The following SLC39A11 variants were observed in gnomAD, a reference collection of about 807,000 sequenced individuals.
SLC39A11 encodes solute carrier family 39 member 11.
A neutral mutation model predicts 36.1 loss-of-function variants in SLC39A11; 33 were observed. That is an observed-to-expected ratio of 0.91 (90% confidence interval 0.69 to 1.22). The LOEUF is 1.22. SLC39A11 is among the 50% of genes most tolerant of loss of function. The pLI, the probability that SLC39A11 is intolerant of heterozygous loss-of-function variation, is 0.00. For missense variants in SLC39A11, 432 were observed against 430.3 expected (o/e 1.00, Z -0.03); for synonymous variants, 166 against 170.3 (o/e 0.97, Z 0.20).
intron 4 of SLC39A11, among the ~76,000 whole-genome samples, chr17:73,017,573 C>T (rs1441837683): frequency 1.3e-5 from 2 of 151,926 alleles, no homozygotes; most frequent in African/African-American, 2.4e-5. Context: ...TTTAGCTGGG[C>T]GTGGTGGCAC....
chr17:72,920,906 T>C (rs1267797376), intron 5 of SLC39A11, among the ~76,000 whole-genome samples: 1 of 152,072 alleles, frequency 6.6e-6, no homozygotes, highest in Non-Finnish European at 1.5e-5. Flanking sequence ...CTTACCCCCT[T>C]ATCTGCTGTT....
chr17:72,915,229 C>A (rs1174606943), intron 5 of SLC39A11, among the ~76,000 whole-genome samples: 1 of 152,118 alleles, frequency 6.6e-6, no homozygotes, highest in Non-Finnish European at 1.5e-5. Context: ...GCTAGCCAAC[C>A]ACCTCCTTAT....
intron 4 of SLC39A11, among the ~76,000 whole-genome samples, chr17:72,999,662 T>C (rs982254545): frequency 2.6e-5 from 4 of 152,228 alleles, no homozygotes; most frequent in African/African-American, 7.2e-5. Context: ...AACAGGTCCA[T>C]TTCCTGCTGT....
At chr17:73,065,308 G>A (rs535511802) in intron 3 of SLC39A11, among the ~76,000 whole-genome samples, 2 of 152,164 alleles carry the variant, frequency 1.3e-5, no homozygotes, top group East Asian at 1.9e-4. Context: ...GGGAGGCTGA[G>A]GCAGGAGAAT....
At chr17:72,887,310 A>G (rs2081483318) in intron 5 of SLC39A11, among the ~76,000 whole-genome samples, 1 of 152,242 alleles carries the variant, frequency 6.6e-6, no homozygotes, top group Admixed American at 6.5e-5. Flanking sequence ...AGTCTGTATC[A>G]GAAAGGGGCT....
intron 5 of SLC39A11, among the ~76,000 whole-genome samples, chr17:72,905,994 C>T (rs1316967442): frequency 6.6e-6 from 1 of 152,188 alleles, no homozygotes; most frequent in African/African-American, 2.4e-5. Flanking sequence ...ACCTCCTGAT[C>T]CGCCTGCCTT....
chr17:72,918,590 A>T (rs1453697579), intron 5 of SLC39A11, among the ~76,000 whole-genome samples: 1 of 152,206 alleles, frequency 6.6e-6, no homozygotes, highest in Non-Finnish European at 1.5e-5. Flanking sequence ...CATCAGAAGA[A>T]GGGTAAAAGG....
intron 7 of SLC39A11, among the ~76,000 whole-genome samples, chr17:72,665,393 T>TTTTTG (rs1567921451): frequency 1.7e-5 from 2 of 118,304 alleles, no homozygotes; most frequent in African/African-American, 3.0e-5. Flanking sequence ...TGAGGTGTTT[T>TTTTTG]TTTTTTTTTT....
Position 72,696,619 on chromosome 17 carries a change from C to T in SLC39A11, c.671+40031G>A, listed in dbSNP as rs563195683. Among the ~76,000 whole-genome samples the T allele has an allele frequency of 1.8e-4, 28 of 152,244 alleles. No homozygotes were observed. The South Asian group carries it at 5.8e-3, about 32-fold the overall frequency. On this transcript the variant is annotated intron_variant, in intron 7 of 9. Transcript: ENST00000255559. Reference sequence around the variant, plus strand: ...CGCTCCTCAGAGAAGCATTCAGGGCCCCCTATCTCTCTGATTTCCATATAA... The same window carrying T: ...CGCTCCTCAGAGAAGCATTCAGGGCTCCCTATCTCTCTGATTTCCATATAA...
intron 7 of SLC39A11, among the ~76,000 whole-genome samples, chr17:72,724,801 C>T (rs1407113724): frequency 2.4e-5 from 3 of 123,718 alleles, no homozygotes; most frequent in Non-Finnish European, 5.8e-5. Context: ...AGCTCAACTG[C>T]TAAAAAAAAA....
intron 4 of SLC39A11, among the ~76,000 whole-genome samples, chr17:72,969,018 G>A (rs1256524715): frequency 7.2e-5 from 11 of 151,912 alleles, no homozygotes; most frequent in African/African-American, 2.7e-4. Flanking sequence ...GCCATCAAAG[G>A]ACAGGCCACG....
intron 5 of SLC39A11, among the ~76,000 whole-genome samples, chr17:72,874,472 T>C (rs2080794273): frequency 6.6e-6 from 1 of 152,106 alleles, no homozygotes; most frequent in African/African-American, 2.4e-5. Context: ...TGCAAGGCTG[T>C]CGCAGGGATG....
intron 6 of SLC39A11, among the ~76,000 whole-genome samples, chr17:72,828,951 T>C (rs983560686): frequency 6.6e-6 from 1 of 152,186 alleles, no homozygotes; most frequent in South Asian, 2.1e-4. Flanking sequence ...TATTTTTCTT[T>C]CTCACGTAAG....
intron 6 of SLC39A11, among the ~76,000 whole-genome samples, chr17:72,805,418 T>C (rs1244857615): frequency 6.6e-6 from 1 of 152,202 alleles, no homozygotes; most frequent in Non-Finnish European, 1.5e-5. Flanking sequence ...ATGGGTGAAC[T>C]TGGGCTGCAG....
intron 4 of SLC39A11, among the ~76,000 whole-genome samples, chr17:72,980,109 T>C (rs1385750824): frequency 6.6e-5 from 10 of 152,216 alleles, no homozygotes; most frequent in Admixed American, 6.5e-4. Flanking sequence ...CCCAGGTGCT[T>C]ATTTATGAAG....
intron 5 of SLC39A11, among the ~76,000 whole-genome samples, chr17:72,852,629 C>T (rs900297160): frequency 6.6e-6 from 1 of 152,226 alleles, no homozygotes; most frequent in Non-Finnish European, 1.5e-5. Flanking sequence ...AACTGCTACT[C>T]AGTACCATCC....
chr17:73,047,173 C>A (rs1422069720), intron 3 of SLC39A11, among the ~76,000 whole-genome samples: 4 of 151,842 alleles, frequency 2.6e-5, no homozygotes, highest in Non-Finnish European at 5.9e-5. Context: ...TACAGGCTCC[C>A]GCCACCACGC....
chr17:72,866,144 C>T (rs536385545), intron 5 of SLC39A11, among the ~76,000 whole-genome samples: 6 of 152,320 alleles, frequency 3.9e-5, no homozygotes, highest in East Asian at 1.9e-4. Flanking sequence ...CGCTCCCCAT[C>T]GTTCACGTTA....
At chr17:72,902,161 C>T (rs2082422546) in intron 5 of SLC39A11, among the ~76,000 whole-genome samples, 1 of 152,122 alleles carries the variant, frequency 6.6e-6, no homozygotes, top group Non-Finnish European at 1.5e-5. Flanking sequence ...ATCCCAGCTA[C>T]TCCGGAGGCT....
Sources: allele counts gnomAD v4.1 joint callset (sites outside exome capture counted in the v4.1 genomes callset), GRCh38; gene constraint gnomAD v4.1.1; transcripts MANE v1.5; gene names NCBI Gene and HGNC (gene_info 2026-07-23, HGNC 2026-07-21).